SENP2: variants seen among roughly 807,000 people sequenced by gnomAD.
The protein encoded by SENP2 is SUMO specific peptidase 2.
SENP2 carries 16 observed loss-of-function variants against 86.3 expected under a neutral mutation model. That is an observed-to-expected ratio of 0.19 (90% confidence interval 0.13 to 0.28). SENP2 has a LOEUF of 0.28. SENP2 is among the 10% of genes least tolerant of loss of function. The probability of loss-of-function intolerance (pLI) is 1.00; values close to 1 mark genes in which losing one functional copy is unlikely to be tolerated. For synonymous variants in SENP2, 222 were observed against 238.7 expected (o/e 0.93, Z 0.64); for missense variants, 552 against 703.0 (o/e 0.79, Z 2.43).
chr3:185,618,090 A>G (rs1711690864), intron 12 of SENP2, among the ~76,000 whole-genome samples: 1 of 152,122 alleles, frequency 6.6e-6, no homozygotes, highest in Non-Finnish European at 1.5e-5. Flanking sequence ...GATTACAGGC[A>G]TGCGCCACCA....
At chr3:185,621,545 A>T (rs574462424) in intron 13 of SENP2, among the ~76,000 whole-genome samples, 4 of 151,742 alleles carry the variant, frequency 2.6e-5, no homozygotes, top group South Asian at 4.2e-4. Flanking sequence ...GCGTGCCATC[A>T]TGCCCGACTA....
Position 185,590,328 on chromosome 3 carries a change from A to C in SENP2, c.157+159A>C, listed in dbSNP as rs375412509. Reference sequence around the variant, plus strand: ...TTTGGGAGGCCAAGGCAGGCGGATCACCTGAGGTCAGGAGTTTGAGACCAG... The same window carrying C: ...TTTGGGAGGCCAAGGCAGGCGGATCCCCTGAGGTCAGGAGTTTGAGACCAG... On this transcript the variant is annotated intron_variant, in intron 2 of 16. Coordinates refer to ENST00000296257, the MANE Select transcript of SENP2 (RefSeq NM_021627.3). 4.1e-3 allele frequency among the ~76,000 whole-genome samples: 623 copies of C among 152,288 alleles called. 4 individuals carry two copies. Among genetic ancestry groups the C allele is most frequent in the South Asian group, 0.017 (83 of 4,826 alleles).
chr3:185,623,781 C>T (rs552800617), intron 14 of SENP2, among the ~76,000 whole-genome samples: 2 of 141,468 alleles, frequency 1.4e-5, no homozygotes, highest in Non-Finnish European at 3.0e-5. Flanking sequence ...GAGCCGAGAT[C>T]GCGCCACTGC....
chr3:185,621,363 T>G (rs1577741972), intron 13 of SENP2, among the ~76,000 whole-genome samples: 1 of 142,522 alleles, frequency 7.0e-6, no homozygotes, highest in Non-Finnish European at 1.5e-5. Flanking sequence ...CCAATATAAG[T>G]GGATATCGTT....
intron 2 of SENP2, among the ~76,000 whole-genome samples, chr3:185,598,014 T>A (rs183747779): frequency 5.9e-5 from 9 of 151,882 alleles, no homozygotes; most frequent in Admixed American, 1.3e-4. Context: ...AGGACTTTTT[T>A]AAATTTTTGT....
At chr3:185,592,346 C>T (rs1287652803) in intron 2 of SENP2, among the ~76,000 whole-genome samples, 2 of 151,782 alleles carry the variant, frequency 1.3e-5, no homozygotes, top group East Asian at 1.9e-4. Context: ...AGCCACTGTG[C>T]CCAGCCAAGT....
At chr3:185,598,588 C>A in intron 3 of SENP2, 43 bp downstream of exon 3, 1 of 1,557,044 alleles carries the variant, frequency 6.4e-7, no homozygotes, top group Admixed American at 1.9e-5. Flanking sequence ...GATCTTTATA[C>A]TTAATCATTA....
chr3:185,627,612 C>T lies in SENP2; in HGVS notation c.1707+1219C>T, dbSNP rs565894834. On this transcript the variant is annotated intron_variant, in intron 16 of 16. Transcript: ENST00000296257. ...ATTTTTAGCAGAGATGGGGTTTCAC[C>T]GTGTTGGCCAGGCTGGTCTCGAACT... 3.9e-5 allele frequency among the ~76,000 whole-genome samples: 6 copies of T among 152,248 alleles called. 1 individual carries two copies. Among genetic ancestry groups the T allele is most frequent in the South Asian group, 4.1e-4 (2 of 4,822 alleles).
At chr3:185,590,054 T>G (rs1050731778) in intron 1 of SENP2, 60 bp from the exon 2 acceptor site, 6 of 957,518 alleles carry the variant, frequency 6.3e-6, no homozygotes, top group Non-Finnish European at 9.2e-6. Flanking sequence ...TAAGTTTACT[T>G]ACAGAAATGA....
intron 11 of SENP2, among the ~76,000 whole-genome samples, chr3:185,615,404 C>T (rs1263076533): frequency 2.6e-5 from 4 of 152,146 alleles, no homozygotes; most frequent in Admixed American, 6.5e-5. Flanking sequence ...AGTGCAATGG[C>T]GCGATCTTGG....
Position 185,606,506 on chromosome 3 carries a change from T to C in SENP2, c.618+8T>C. On this transcript the variant is annotated splice_region_variant and intron_variant, in intron 6 of 16. Transcript: ENST00000296257. The stretch of plus-strand genomic sequence containing the variant: ...CATTGTACTGTGGAGGAGGTAAGCC[T>C]TTTCAGCTTGATTTCTTTAAAAAAA... The C allele has an allele frequency of 6.4e-7, 1 of 1,561,396 alleles. No homozygotes were observed. Among genetic ancestry groups the C allele is most frequent in the Admixed American group, 2.1e-5 (1 of 47,410 alleles).
rs1280791013 is a variant in SENP2 at position 185,632,883 on chromosome 3, T to C, written c.*3039T>C. ...GAGAAAAGATGCAGTGAGCCATTATTCTCCTTTAGCAGGTAGTCTCTTAAA... is the reference window on the plus strand; with the variant it reads ...GAGAAAAGATGCAGTGAGCCATTATCCTCCTTTAGCAGGTAGTCTCTTAAA... On this transcript the variant is annotated 3_prime_UTR_variant, in exon 17 of 17. Coordinates refer to ENST00000296257, the MANE Select transcript of SENP2 (RefSeq NM_021627.3). The C allele has an allele frequency of 2.0e-5, 3 of 152,368 alleles. No individual in the cohort carries two copies. The East Asian group carries it at 5.8e-4, about 29-fold the overall frequency. 9.4% of individuals were successfully genotyped at this position (152,368 alleles called of 1,614,324 possible).
chr3:185,596,651 C>T (rs1317441043), intron 2 of SENP2, among the ~76,000 whole-genome samples: 1 of 150,928 alleles, frequency 6.6e-6, no homozygotes, highest in Admixed American at 6.6e-5. Flanking sequence ...ATATTTTATA[C>T]TTTACTTAGC....
intron 2 of SENP2, among the ~76,000 whole-genome samples, chr3:185,595,235 C>A (rs920327900): frequency 4.6e-5 from 7 of 151,978 alleles, no homozygotes; most frequent in African/African-American, 1.7e-4. Context: ...GTTTAGTAGC[C>A]ACAATTTGCT....
intron 16 of SENP2, among the ~76,000 whole-genome samples, chr3:185,628,752 C>T (rs1712271923): frequency 6.6e-6 from 1 of 151,360 alleles, no homozygotes; most frequent in Non-Finnish European, 1.5e-5. Context: ...GTGATATGCC[C>T]ACCTTGGCCT....
At chr3:185,616,048 A>G (rs907821225) in intron 11 of SENP2, among the ~76,000 whole-genome samples, 1 of 151,070 alleles carries the variant, frequency 6.6e-6, no homozygotes. Context: ...TTTTTAGTAG[A>G]GATGGGGTTT....
intron 7 of SENP2, among the ~76,000 whole-genome samples, chr3:185,609,621 G>C (rs1213063912): frequency 6.6e-6 from 1 of 151,948 alleles, no homozygotes; most frequent in Non-Finnish European, 1.5e-5. Flanking sequence ...TTGAAGTAGG[G>C]CTCCCAAGAG....
intron 11 of SENP2, among the ~76,000 whole-genome samples, chr3:185,616,723 C>T (rs765709811): frequency 1.4e-5 from 2 of 146,560 alleles, no homozygotes; most frequent in East Asian, 2.0e-4. Flanking sequence ...TGCAGTAAGC[C>T]GAGATGGCGC....
In SENP2 at chr3:185,597,213, A is replaced by AGT. The variant is rs376119566; in HGVS notation, c.158-1183_158-1182dup. ...AAAGTTGTCATTTCAGAACATTTTG[A>AGT]GTGTGTGTGTGTGTGTGAATCAGTA... On this transcript the variant is annotated intron_variant, in intron 2 of 16. Coordinates refer to ENST00000296257, the MANE Select transcript of SENP2 (RefSeq NM_021627.3). Among the ~76,000 whole-genome samples the AGT allele has an allele frequency of 2.3e-3, 350 of 150,902 alleles. 2 individuals are homozygous for AGT. Among genetic ancestry groups the AGT allele is most frequent in the African/African-American group, 7.2e-3 (296 of 41,162 alleles).
Sources: allele counts gnomAD v4.1 joint callset (sites outside exome capture counted in the v4.1 genomes callset), GRCh38; gene constraint gnomAD v4.1.1; transcripts MANE v1.5; gene names NCBI Gene and HGNC (gene_info 2026-07-23, HGNC 2026-07-21).